Variants in RBFOX3 observed in about 807,000 individuals in gnomAD.
RBFOX3 encodes RNA binding protein fox-1 homolog 3.
Under a neutral mutation model 48.7 loss-of-function variants are expected in RBFOX3, and 17 were observed. The ratio of observed to expected loss-of-function variants is 0.35; its 90% CI spans 0.24 to 0.52. RBFOX3 has a LOEUF of 0.52. RBFOX3 is among the 20% of genes least tolerant of loss of function. RBFOX3 has a pLI of 0.94. For missense variants in RBFOX3, 382 were observed against 497.5 expected (o/e 0.77, Z 2.21); for synonymous variants, 212 against 209.5 (o/e 1.01, Z -0.10).
chr17:79,465,849 A>G (rs1347832086), intron 2 of RBFOX3, among the ~76,000 whole-genome samples: 1 of 152,210 alleles, frequency 6.6e-6, no homozygotes, highest in Non-Finnish European at 1.5e-5. Flanking sequence ...CCGCCTGGAC[A>G]GAATCCCTCC....
intron 3 of RBFOX3, among the ~76,000 whole-genome samples, chr17:79,300,974 C>A (rs1266812678): frequency 3.9e-5 from 6 of 152,196 alleles, no homozygotes; most frequent in Admixed American, 3.9e-4. Flanking sequence ...TGACGCAGGG[C>A]CCTGACTCCG....
intron 4 of RBFOX3, among the ~76,000 whole-genome samples, chr17:79,120,771 T>C (rs942502077): frequency 6.6e-6 from 1 of 151,912 alleles, no homozygotes; most frequent in African/African-American, 2.4e-5. Flanking sequence ...GATGGGTGGA[T>C]GGATAGACGG....
chr17:79,141,252 T>G (rs1329237965), intron 4 of RBFOX3, among the ~76,000 whole-genome samples: 10 of 152,062 alleles, frequency 6.6e-5, no homozygotes, highest in African/African-American at 2.2e-4. Context: ...AACCTAAGAT[T>G]AGTGTGATTG....
chr17:79,094,406 CT>C (rs1305496693), intron 14 of RBFOX3, 44 bp downstream of exon 14: 9 of 1,406,368 alleles, frequency 6.4e-6, no homozygotes, highest in Admixed American at 2.4e-5. Flanking sequence ...CCATGCCCAG[CT>C]GTTAGGACTG....
chr17:79,308,931 G>A (rs1194772478), intron 2 of RBFOX3, among the ~76,000 whole-genome samples: 9 of 152,104 alleles, frequency 5.9e-5, no homozygotes, highest in East Asian at 3.9e-4. Flanking sequence ...CCAGTCTGAC[G>A]AACATGGTGA....
In RBFOX3 at chr17:79,479,192, G is replaced by A. The variant is rs1033025149; in HGVS notation, c.-175+3262C>T. Among the ~76,000 whole-genome samples, 3 of 152,158 alleles carry A rather than the reference G, an allele frequency of 2.0e-5. No individual in the cohort carries two copies. The highest frequency in any genetic ancestry group is 2.9e-5 in the Non-Finnish European group (2 of 68,022). Reference sequence around the variant, plus strand: ...AGTCACATTCCTTTGGGCCATGGACGGCATCCACATGCCAGAGCTCTGGTA... The same window carrying A: ...AGTCACATTCCTTTGGGCCATGGACAGCATCCACATGCCAGAGCTCTGGTA... On this transcript the variant is annotated intron_variant, in intron 2 of 14. Coordinates refer to ENST00000693108, the MANE Select transcript of RBFOX3 (RefSeq NM_001350451.2). This position sits in a 1 kb window ranked among gnomAD's most constrained non-coding sequence, Gnocchi z 5.1.
chr17:79,223,692 A>T (rs2059986457), intron 4 of RBFOX3, among the ~76,000 whole-genome samples: 1 of 152,168 alleles, frequency 6.6e-6, no homozygotes, highest in African/African-American at 2.4e-5. Flanking sequence ...TGAAGGGAGA[A>T]GAAAGAGGGG....
chr17:79,347,372 C>T (rs1598340917), intron 2 of RBFOX3, among the ~76,000 whole-genome samples: 1 of 152,078 alleles, frequency 6.6e-6, no homozygotes, highest in Non-Finnish European at 1.5e-5. Context: ...AACCTGGGCT[C>T]TTTCATCCTT....
At chr17:79,399,032 C>T (rs1296308462) in intron 2 of RBFOX3, among the ~76,000 whole-genome samples, 1 of 152,156 alleles carries the variant, frequency 6.6e-6, no homozygotes, top group Non-Finnish European at 1.5e-5. Flanking sequence ...GAGAGAAGGA[C>T]GCATGACGGC....
chr17:79,334,886 G>C (rs2146455639), intron 2 of RBFOX3, among the ~76,000 whole-genome samples: 1 of 152,342 alleles, frequency 6.6e-6, no homozygotes, highest in East Asian at 1.9e-4. Flanking sequence ...AACCAGCCCA[G>C]CCCACCCTGC....
intron 4 of RBFOX3, among the ~76,000 whole-genome samples, chr17:79,144,013 G>C (rs1465653160): frequency 3.3e-5 from 5 of 152,244 alleles, no homozygotes; most frequent in Admixed American, 1.3e-4. Flanking sequence ...GATGGTAACA[G>C]GCCCCCGTGC....
At chr17:79,388,494 G>C (rs554009041) in intron 2 of RBFOX3, among the ~76,000 whole-genome samples, 3 of 152,150 alleles carry the variant, frequency 2.0e-5, no homozygotes, top group Non-Finnish European at 4.4e-5. Flanking sequence ...ACCTGCATGC[G>C]CCTTACTTAG....
chr17:79,260,152 T>C (rs2065515759), intron 3 of RBFOX3, among the ~76,000 whole-genome samples: 1 of 151,942 alleles, frequency 6.6e-6, no homozygotes. Context: ...ATCGGCCACC[T>C]GGTTTAATCA....
At chr17:79,346,310 CT>C (rs1466867317) in intron 2 of RBFOX3, among the ~76,000 whole-genome samples, 1 of 152,192 alleles carries the variant, frequency 6.6e-6, no homozygotes, top group Non-Finnish European at 1.5e-5. Context: ...TAATAGTGTA[CT>C]TTGTATATGG....
chr17:79,354,684 G>C lies in RBFOX3; in HGVS notation c.-174-46860C>G, dbSNP rs186389639. On this transcript the variant is annotated intron_variant, in intron 2 of 14. Coordinates refer to ENST00000693108, the MANE Select transcript of RBFOX3 (RefSeq NM_001350451.2). Reference sequence around the variant, plus strand: ...TTCCTGCTGCCTCTGGTGCAGCTGTGGGGGGAGAGGAGCCCTCAGGAGGGT... The same window carrying C: ...TTCCTGCTGCCTCTGGTGCAGCTGTCGGGGGAGAGGAGCCCTCAGGAGGGT... Among the ~76,000 whole-genome samples, 18 of 152,364 alleles carry C rather than the reference G, an allele frequency of 1.2e-4. No individual in the cohort carries two copies. The East Asian group carries it at 3.1e-3, about 26-fold the overall frequency.
intron 3 of RBFOX3, among the ~76,000 whole-genome samples, chr17:79,274,462 C>T (rs1077692): frequency 0.086 from 13,149 of 152,218 alleles, 951 homozygotes; most frequent in East Asian, 0.44. Flanking sequence ...TGCACTCAGG[C>T]GCGAGGGAAC....
intron 2 of RBFOX3, among the ~76,000 whole-genome samples, chr17:79,420,423 G>A (rs2066121286): frequency 6.6e-6 from 1 of 152,222 alleles, no homozygotes; most frequent in Admixed American, 6.5e-5. Flanking sequence ...TGGGAGGAAA[G>A]TGTGAGTCAG....
intron 4 of RBFOX3, among the ~76,000 whole-genome samples, chr17:79,164,479 G>A (rs969482284): frequency 3.3e-5 from 5 of 152,148 alleles, no homozygotes; most frequent in East Asian, 1.9e-4. Flanking sequence ...GGGGGTGGGC[G>A]GCACTTCACC....
intron 4 of RBFOX3, among the ~76,000 whole-genome samples, chr17:79,158,416 T>C (rs1198473219): frequency 6.6e-6 from 1 of 152,196 alleles, no homozygotes; most frequent in Non-Finnish European, 1.5e-5. Context: ...GGTGAGCCGG[T>C]TAAGATGTGA....
Sources: gnomAD v4.1 joint callset for allele counts (sites outside exome capture counted in the v4.1 genomes callset) on GRCh38, gnomAD v4.1.1 for gene constraint, Gnocchi (gnomAD v3.1) non-coding constraint, MANE v1.5 for transcripts, NCBI Gene and HGNC (gene_info 2026-07-23, HGNC 2026-07-21) for gene names.